Variants in GRB10 observed in about 807,000 individuals in gnomAD.
The protein encoded by GRB10 is growth factor receptor bound protein 10.
In GRB10, 20 loss-of-function variants were observed where a neutral mutation model predicts 80.9. The observed-to-expected ratio is 0.25, with a 90% confidence interval of 0.17 to 0.36. The LOEUF is 0.36. GRB10 is among the 10% of genes least tolerant of loss of function. GRB10 has a pLI of 1.00. For synonymous variants in GRB10, 291 were observed against 291.5 expected (o/e 1.00, Z 0.02); for missense variants, 548 against 747.7 (o/e 0.73, Z 3.12).
intron 18 of GRB10, among the ~76,000 whole-genome samples, chr7:50,594,700 C>T (rs1014500812): frequency 2.0e-5 from 3 of 152,120 alleles, no homozygotes; most frequent in Non-Finnish European, 2.9e-5. Flanking sequence ...TTCTTGTAGG[C>T]GCTGATCTAG....
chr7:50,697,950 G>A (rs1468008174), intron 5 of GRB10, among the ~76,000 whole-genome samples: 1 of 152,168 alleles, frequency 6.6e-6, no homozygotes, highest in Non-Finnish European at 1.5e-5. Context: ...CTCTGCACTT[G>A]GACCCACTTA....
intron 8 of GRB10, among the ~76,000 whole-genome samples, chr7:50,620,733 C>T (rs2153584503): frequency 6.6e-6 from 1 of 152,212 alleles, no homozygotes. Context: ...CTCATGTCTC[C>T]CCATGATAGA....
intron 7 of GRB10, among the ~76,000 whole-genome samples, chr7:50,653,223 C>T (rs1229343510): frequency 6.6e-6 from 1 of 152,156 alleles, no homozygotes; most frequent in Admixed American, 6.5e-5. Context: ...GCCGTGGGCC[C>T]CAGTGCATGC....
At chr7:50,627,423 C>T (rs1191840333) in intron 7 of GRB10, among the ~76,000 whole-genome samples, 1 of 152,208 alleles carries the variant, frequency 6.6e-6, no homozygotes, top group Non-Finnish European at 1.5e-5. Context: ...ACGAGTCGAC[C>T]TGTTCTCCCA....
At chr7:50,627,086 C>T in intron 7 of GRB10, 108 bp from the exon 8 acceptor site, 1 of 1,135,260 alleles carries the variant, frequency 8.8e-7, no homozygotes, top group Middle Eastern at 2.0e-4. Context: ...TGCTCCAACA[C>T]ATGGGCAACT....
chr7:50,615,442 C>T (rs1454339307), intron 11 of GRB10, among the ~76,000 whole-genome samples: 2 of 152,210 alleles, frequency 1.3e-5, no homozygotes, highest in Non-Finnish European at 2.9e-5. Context: ...AGTTCAAAGC[C>T]CCTCTCTGCA....
intron 2 of GRB10, among the ~76,000 whole-genome samples, chr7:50,777,429 TACAC>T (rs71018485): frequency 0.014 from 2,094 of 146,212 alleles, 28 homozygotes; most frequent in Admixed American, 0.032. Context: ...GCAATCTGTA[TACAC>T]ACACACACAC....
rs368479661 is a variant in GRB10 at position 50,598,477 on chromosome 7, C to G, written c.1545-2947G>C. Among the ~76,000 whole-genome samples the G allele has an allele frequency of 4.6e-5, 7 of 152,304 alleles. No homozygotes were observed. In the East Asian group the frequency reaches 1.2e-3, roughly 25 times the overall value. On this transcript the variant is annotated intron_variant, in intron 17 of 18. Coordinates refer to ENST00000401949, the MANE Select transcript of GRB10 (RefSeq NM_001350814.2). ...CACTCACCAGTCCATCATAAATGAACGAAGAGCCCCTTGTGACAGGACCCG... is the reference window on the plus strand; with the variant it reads ...CACTCACCAGTCCATCATAAATGAAGGAAGAGCCCCTTGTGACAGGACCCG...
intron 15 of GRB10, 76 bp from the exon 16 acceptor site, chr7:50,604,453 G>A: frequency 1.6e-6 from 2 of 1,251,470 alleles, no homozygotes; most frequent in South Asian, 1.2e-5. Context: ...CCAAGCTCAT[G>A]GCAGGCCACT....
intron 8 of GRB10, 105 bp from the exon 9 acceptor site, chr7:50,619,390 T>G (rs1456138925): frequency 3.9e-6 from 3 of 775,744 alleles, no homozygotes; most frequent in East Asian, 4.9e-5. Flanking sequence ...TCTTTAAACA[T>G]TATGAATAAA....
At chr7:50,653,075 T>C (rs919690495) in intron 7 of GRB10, among the ~76,000 whole-genome samples, 1 of 152,180 alleles carries the variant, frequency 6.6e-6, no homozygotes, top group Non-Finnish European at 1.5e-5. Context: ...GAGTGCAATA[T>C]ACCAGGGCCC....
chr7:50,689,568 C>T (rs914590186), intron 5 of GRB10, among the ~76,000 whole-genome samples: 2 of 151,940 alleles, frequency 1.3e-5, no homozygotes, highest in African/African-American at 2.4e-5. Context: ...GGGGCGCCCT[C>T]GAACACCAAG....
intron 3 of GRB10, among the ~76,000 whole-genome samples, chr7:50,736,681 G>A (rs2070847624): frequency 1.3e-5 from 2 of 152,188 alleles, no homozygotes; most frequent in Admixed American, 1.3e-4. Context: ...TAATTGGGAG[G>A]CTGAGGCAGA....
rs189968676 is a variant in GRB10, at chr7:50,730,716, G to A, written c.51+1556C>T. On this transcript the variant is annotated intron_variant, in intron 4 of 18. Coordinates refer to ENST00000401949, the MANE Select transcript of GRB10 (RefSeq NM_001350814.2). ...TACAAACACCTAACAAGGCCATCAA[G>A]GGAGGAACTGACACAGCTTGTAAGT... 4.8e-3 allele frequency among the ~76,000 whole-genome samples: 728 copies of A among 152,310 alleles called. 3 individuals are homozygous for A. Among genetic ancestry groups the A allele is most frequent in the Non-Finnish European group, 7.7e-3 (523 of 68,040 alleles).
intron 7 of GRB10, among the ~76,000 whole-genome samples, chr7:50,659,195 G>A (rs1036360782): frequency 1.2e-4 from 19 of 152,124 alleles, no homozygotes; most frequent in African/African-American, 4.6e-4. Context: ...AAAATCAAAC[G>A]GGAAATGTAG....
intron 4 of GRB10, among the ~76,000 whole-genome samples, chr7:50,705,748 G>C (rs1036439536): frequency 6.6e-6 from 1 of 152,246 alleles, no homozygotes; most frequent in African/African-American, 2.4e-5. Context: ...TAGAAGTGTA[G>C]TGTAATTCAT....
At chr7:50,626,549 G>A (rs891150170) in intron 8 of GRB10, among the ~76,000 whole-genome samples, 14 of 152,202 alleles carry the variant, frequency 9.2e-5, no homozygotes, top group African/African-American at 3.4e-4. Flanking sequence ...TGGGGAGGCT[G>A]GACAAGCCAC....
intron 7 of GRB10, among the ~76,000 whole-genome samples, chr7:50,650,922 G>T (rs975176162): frequency 4.6e-5 from 7 of 152,186 alleles, no homozygotes; most frequent in African/African-American, 1.7e-4. Context: ...CTTTATTTAG[G>T]ATATTGCAAA....
At chr7:50,700,917 GTC>G (rs1314408253) in intron 5 of GRB10, among the ~76,000 whole-genome samples, 1 of 152,202 alleles carries the variant, frequency 6.6e-6, no homozygotes, top group Admixed American at 6.5e-5. Context: ...AGAATCAAGA[GTC>G]TCTGTCTGTT....
Sources: allele counts gnomAD v4.1 joint callset (sites outside exome capture counted in the v4.1 genomes callset), GRCh38; gene constraint gnomAD v4.1.1; transcripts MANE v1.5; gene names NCBI Gene and HGNC (gene_info 2026-07-23, HGNC 2026-07-21).